Variants in DPYD observed in about 807,000 individuals in gnomAD.
DPYD encodes the protein dihydropyrimidine dehydrogenase.
Under a neutral mutation model 116.2 loss-of-function variants are expected in DPYD, and 109 were observed. That is an observed-to-expected ratio of 0.94 (90% CI 0.80 to 1.10). The LOEUF is 1.10. Among genes scored for constraint, DPYD ranks in the 50% least tolerant of loss-of-function variants. The pLI is 0.00. For synonymous variants in DPYD, 440 were observed against 432.0 expected (o/e 1.02, Z -0.23); for missense variants, 1,302 against 1,254.5 (o/e 1.04, Z -0.57).
chr1:97,419,795 G>A (rs559924963), intron 14 of DPYD, among the ~76,000 whole-genome samples: 9 of 152,270 alleles, frequency 5.9e-5, no homozygotes, highest in Admixed American at 3.3e-4. Context: ...TTTTAATTGA[G>A]AAATTTCTAG....
chr1:97,400,071 T>C (rs1311248483), intron 14 of DPYD, among the ~76,000 whole-genome samples: 1 of 152,170 alleles, frequency 6.6e-6, no homozygotes, highest in East Asian at 1.9e-4. Context: ...TTCAGTATGA[T>C]ATTGGCTGTG....
chr1:97,450,461 G>A (rs189451679), intron 13 of DPYD, among the ~76,000 whole-genome samples: 135 of 151,984 alleles, frequency 8.9e-4, no homozygotes, highest in East Asian at 7.0e-3. Context: ...TTAGAATAGC[G>A]CAAAAATAAA....
intron 13 of DPYD, among the ~76,000 whole-genome samples, chr1:97,492,709 A>G (rs1241641161): frequency 1.3e-5 from 2 of 152,180 alleles, no homozygotes; most frequent in East Asian, 1.9e-4. Context: ...TGCTACTTAC[A>G]ATCCTGAAGA....
intron 14 of DPYD, among the ~76,000 whole-genome samples, chr1:97,418,738 ATACACTG>A (rs1208730065): frequency 6.6e-6 from 1 of 152,182 alleles, no homozygotes; most frequent in East Asian, 1.9e-4. Flanking sequence ...CAGTGCAAAA[ATACACTG>A]TATTACAGAA....
chr1:97,482,900 C>T (rs997469535), intron 13 of DPYD, among the ~76,000 whole-genome samples: 7 of 152,144 alleles, frequency 4.6e-5, no homozygotes, highest in Admixed American at 3.9e-4. Context: ...TAAATCTAAA[C>T]TCATTATATT....
intron 14 of DPYD, among the ~76,000 whole-genome samples, chr1:97,443,317 G>A (rs1352548081): frequency 2.0e-5 from 3 of 151,920 alleles, no homozygotes; most frequent in East Asian, 1.9e-4. Context: ...AATTTGTCCC[G>A]AATTTTGGCA....
intron 2 of DPYD, among the ~76,000 whole-genome samples, chr1:97,863,460 A>G (rs1671219883): frequency 6.6e-6 from 1 of 151,974 alleles, no homozygotes; most frequent in African/African-American, 2.4e-5. Flanking sequence ...GAAGATATAT[A>G]CAGAGAGGTT....
chr1:97,244,568 T>G (rs1662584567), intron 18 of DPYD, among the ~76,000 whole-genome samples: 2 of 152,052 alleles, frequency 1.3e-5, no homozygotes, highest in African/African-American at 4.8e-5. Context: ...TGGTTTAGTT[T>G]CCATGGTAGA....
Position 97,633,276 on chromosome 1 carries a change from A to C in DPYD, c.851-38110T>G, listed in dbSNP as rs1434655850. 2.0e-5 allele frequency among the ~76,000 whole-genome samples: 3 copies of C among 152,128 alleles called. No individual in the cohort carries two copies. In the East Asian group the frequency reaches 5.8e-4, roughly 29 times the overall value. ...ATTATTTTGGACCACGAAATGAGAC[A>C]GAAATATAAAGTAGCAAGCAATCTT... is the stretch of plus-strand genomic sequence containing the variant. On this transcript the variant is annotated intron_variant, in intron 8 of 22. Transcript: ENST00000370192.
intron 14 of DPYD, among the ~76,000 whole-genome samples, chr1:97,442,523 T>A (rs1675857170): frequency 6.6e-6 from 1 of 151,946 alleles, no homozygotes; most frequent in Non-Finnish European, 1.5e-5. Flanking sequence ...TATATTTTAT[T>A]TTTTTCTTTG....
At chr1:97,579,701 T>C (rs1423314628) in intron 10 of DPYD, among the ~76,000 whole-genome samples, 1 of 152,254 alleles carries the variant, frequency 6.6e-6, no homozygotes, top group Admixed American at 6.5e-5. Flanking sequence ...GGCACCCATA[T>C]ATATTTATTT....
At chr1:97,226,823 G>T (rs964620434) in intron 19 of DPYD, among the ~76,000 whole-genome samples, 4 of 151,998 alleles carry the variant, frequency 2.6e-5, no homozygotes, top group African/African-American at 9.7e-5. Context: ...ATATTCAATA[G>T]AATCCCTACA....
chr1:97,766,343 ATTCAGAATGTCAG>A (rs1338679789), intron 3 of DPYD, among the ~76,000 whole-genome samples: 1 of 152,182 alleles, frequency 6.6e-6, no homozygotes, highest in Non-Finnish European at 1.5e-5. Flanking sequence ...TAGATATTAT[ATTCAGAATGTCAG>A]TTGGTTTTAT....
At chr1:97,740,072 T>C (rs572201864) in intron 4 of DPYD, among the ~76,000 whole-genome samples, 1 of 152,280 alleles carries the variant, frequency 6.6e-6, no homozygotes, top group Non-Finnish European at 1.5e-5. Context: ...TGTGTTTTGA[T>C]GATCAATGAC....
intron 12 of DPYD, among the ~76,000 whole-genome samples, chr1:97,521,285 C>T (rs143514453): frequency 1.6e-3 from 246 of 152,078 alleles, no homozygotes; most frequent in Admixed American, 2.3e-3. Flanking sequence ...AAACAGAGAG[C>T]CAAGTCATGA....
intron 18 of DPYD, among the ~76,000 whole-genome samples, chr1:97,288,467 A>G (rs2100970967): frequency 6.6e-6 from 1 of 152,214 alleles, no homozygotes; most frequent in Middle Eastern, 3.4e-3. Context: ...GTAAAAGAAC[A>G]GAAATTATAA....
At chr1:97,719,951 G>A (rs1662826561) in intron 5 of DPYD, 1 of 984,928 alleles carries the variant, frequency 1.0e-6, no homozygotes, top group Non-Finnish European at 1.2e-6. Flanking sequence ...ACCTAAGTGT[G>A]ACCACTCTCA....
intron 1 of DPYD, among the ~76,000 whole-genome samples, chr1:97,913,838 T>C (rs1674084696): frequency 6.6e-6 from 1 of 151,252 alleles, no homozygotes; most frequent in Non-Finnish European, 1.5e-5. Context: ...AGGTGAGGAA[T>C]AAAACATGGG....
chr1:97,676,354 G>A (rs1359956196), intron 8 of DPYD, among the ~76,000 whole-genome samples: 1 of 152,106 alleles, frequency 6.6e-6, no homozygotes, highest in Non-Finnish European at 1.5e-5. Flanking sequence ...ATTGATTTGT[G>A]TAACTTCCGG....
Sources: gnomAD v4.1 joint callset for allele counts (sites outside exome capture counted in the v4.1 genomes callset) on GRCh38, gnomAD v4.1.1 for gene constraint, MANE v1.5 for transcripts, NCBI Gene and HGNC (gene_info 2026-07-23, HGNC 2026-07-21) for gene names.